DLGAP1: variants seen among roughly 807,000 people sequenced by gnomAD.
DLGAP1 encodes DLG associated protein 1.
In DLGAP1, 11 loss-of-function variants were observed where a neutral mutation model predicts 90.8. That is an observed-to-expected ratio of 0.12 (90% CI 0.08 to 0.20). The LOEUF is 0.20. Ranked by LOEUF, DLGAP1 falls within the 10% of genes least tolerant of loss-of-function variation. The pLI is 1.00. For missense variants in DLGAP1, 1,050 were observed against 1,333.8 expected, an observed-to-expected ratio of 0.79 and a Z score of 3.31; for synonymous variants, 558 against 540.7, an observed-to-expected ratio of 1.03 and a Z score of -0.44.
intron 7 of DLGAP1, among the ~76,000 whole-genome samples, chr18:3,640,049 C>G (rs888833952): frequency 1.3e-5 from 2 of 151,938 alleles, no homozygotes; most frequent in Non-Finnish European, 2.9e-5. Flanking sequence ...CCACGGCACC[C>G]GGCCCCAGAG....
At chr18:4,240,683 T>C (rs2078515788) in intron 1 of DLGAP1, among the ~76,000 whole-genome samples, 2 of 152,238 alleles carry the variant, frequency 1.3e-5, no homozygotes, top group African/African-American at 4.8e-5. Context: ...GCCTTTTGGA[T>C]AATTCCAGTT....
At chr18:4,012,892 AG>A (rs1015989121) in intron 2 of DLGAP1, among the ~76,000 whole-genome samples, 2 of 152,080 alleles carry the variant, frequency 1.3e-5, no homozygotes, top group East Asian at 3.9e-4. Flanking sequence ...TTATAGAGAC[AG>A]GGGGTCTCAT....
At chr18:3,971,636 CT>C (rs1208262286) in intron 3 of DLGAP1, among the ~76,000 whole-genome samples, 1 of 152,164 alleles carries the variant, frequency 6.6e-6, no homozygotes, top group African/African-American at 2.4e-5. Flanking sequence ...ACTTTTAAGA[CT>C]CTTTTGTCCA....
intron 9 of DLGAP1, among the ~76,000 whole-genome samples, chr18:3,544,895 C>T (rs750287860): frequency 8.6e-5 from 13 of 151,884 alleles, no homozygotes; most frequent in Non-Finnish European, 1.9e-4. Context: ...GCAGTGTATA[C>T]AGTTCAATAA....
intron 2 of DLGAP1, among the ~76,000 whole-genome samples, chr18:4,056,578 T>G (rs2075220329): frequency 1.3e-5 from 2 of 152,154 alleles, no homozygotes; most frequent in Non-Finnish European, 2.9e-5. Flanking sequence ...TAACAAGTGG[T>G]GAACTAATAA....
rs7235642 is a variant in DLGAP1 at position 4,454,027 on chromosome 18, C to G, written c.-267+979G>C. The stretch of plus-strand genomic sequence containing the variant: ...TGCAGCCGGGGGCGAGCGCGGCACT[C>G]GGACACAGGCACTCAGTGTCTCCGG... On this transcript the variant is annotated intron_variant, in intron 1 of 12. Coordinates refer to ENST00000315677, the MANE Select transcript of DLGAP1 (RefSeq NM_004746.4). The surrounding 1 kb of genome is among the most constrained non-coding windows in gnomAD (Gnocchi z 4.7). Among the ~76,000 whole-genome samples the G allele has an allele frequency of 0.072, 10,944 of 152,280 alleles. 831 individuals carry two copies. Among genetic ancestry groups the G allele is most frequent in the African/African-American group, 0.2 (8,124 of 41,538 alleles).
At chr18:3,811,481 T>C (rs1298515864) in intron 5 of DLGAP1, among the ~76,000 whole-genome samples, 1 of 152,152 alleles carries the variant, frequency 6.6e-6, no homozygotes, top group African/African-American at 2.4e-5. Flanking sequence ...AGAAATGGTG[T>C]GGGGAAACTC....
chr18:3,747,102 A>G (rs559572287), intron 5 of DLGAP1, among the ~76,000 whole-genome samples: 3 of 152,332 alleles, frequency 2.0e-5, no homozygotes, highest in African/African-American at 7.2e-5. Flanking sequence ...TCACACCTGT[A>G]ATCCTAGCAC....
rs539045517 is a variant in DLGAP1, at chr18:4,380,760, T to A, written c.-267+74246A>T. On this transcript the variant is annotated intron_variant, in intron 1 of 12. Transcript: ENST00000315677. ...CTTGTATACTAATTAACGAAACTCA[T>A]CTCCTTCACTCAGACACAGCATTGA... Among the ~76,000 whole-genome samples the A allele has an allele frequency of 6.6e-5, 10 of 152,282 alleles. No homozygotes were observed. The South Asian group carries it at 1.9e-3, about 28-fold the overall frequency.
At chr18:4,402,742 A>G (rs1328511423) in intron 1 of DLGAP1, among the ~76,000 whole-genome samples, 1 of 152,204 alleles carries the variant, frequency 6.6e-6, no homozygotes, top group African/African-American at 2.4e-5. Context: ...AGTCAAAAGG[A>G]CCATTAGAGT....
chr18:3,772,174 T>G (rs1007158786), intron 5 of DLGAP1, among the ~76,000 whole-genome samples: 5 of 149,018 alleles, frequency 3.4e-5, no homozygotes. Flanking sequence ...CTCTCCTTCC[T>G]TTCTCTCCTT....
chr18:3,771,859 G>A (rs1382747466), intron 5 of DLGAP1, among the ~76,000 whole-genome samples: 4 of 151,204 alleles, frequency 2.6e-5, no homozygotes, highest in African/African-American at 9.7e-5. Context: ...AAAAATCCAT[G>A]TGGCCACTGC....
At chr18:3,956,607 C>A (rs1026727708) in intron 3 of DLGAP1, among the ~76,000 whole-genome samples, 1 of 152,010 alleles carries the variant, frequency 6.6e-6, no homozygotes, top group Non-Finnish European at 1.5e-5. Context: ...CTTGGCCTCC[C>A]AAAGTGCTGG....
At chr18:3,830,713 T>C (rs1317053578) in intron 4 of DLGAP1, among the ~76,000 whole-genome samples, 5 of 152,208 alleles carry the variant, frequency 3.3e-5, no homozygotes, top group Admixed American at 1.3e-4. Flanking sequence ...CTGTAGCAAC[T>C]TGCACATACT....
rs557293092 is a variant in DLGAP1 at position 4,247,622 on chromosome 18, A to G, written c.-266-96335T>C. 3.9e-5 allele frequency among the ~76,000 whole-genome samples: 6 copies of G among 152,112 alleles called. 1 individual carries two copies. The South Asian group carries it at 1.2e-3, about 32-fold the overall frequency. On this transcript the variant is annotated intron_variant, in intron 1 of 12. Coordinates refer to ENST00000315677, the MANE Select transcript of DLGAP1 (RefSeq NM_004746.4). ...AAAACCCCGTCTCTACTAAAAATAC[A>G]AAAAATTAGCCAGGCGTGGTGGCAG...
intron 1 of DLGAP1, among the ~76,000 whole-genome samples, chr18:4,422,206 T>A (rs2083053826): frequency 6.6e-6 from 1 of 151,578 alleles, no homozygotes. Flanking sequence ...AACAAGTGTA[T>A]ATATAAAAAT....
chr18:3,975,910 T>C (rs951031563), intron 3 of DLGAP1, among the ~76,000 whole-genome samples: 1 of 152,066 alleles, frequency 6.6e-6, no homozygotes, highest in East Asian at 1.9e-4. Context: ...GTGGTTACCA[T>C]GGCCTGGGGG....
rs187567016 is a variant in DLGAP1, at chr18:3,652,528, G to A, written c.1592-70280C>T. On this transcript the variant is annotated intron_variant, in intron 7 of 12. Coordinates refer to ENST00000315677, the MANE Select transcript of DLGAP1 (RefSeq NM_004746.4). ...AAATATTTTTTGTAGAGATGAGGGG[G>A]ACTCGCTCTGTGGCTCACGGCCGTC... 2.1e-3 allele frequency among the ~76,000 whole-genome samples: 317 copies of A among 152,200 alleles called. 3 individuals are homozygous for A. The highest frequency in any genetic ancestry group is 3.8e-3 in the Non-Finnish European group (257 of 67,994).
intron 1 of DLGAP1, among the ~76,000 whole-genome samples, chr18:4,197,387 A>C (rs1427710938): frequency 6.6e-6 from 1 of 152,044 alleles, no homozygotes; most frequent in African/African-American, 2.4e-5. Context: ...TAAATTTAGC[A>C]AAAATTGGTT....
Sources: gnomAD v4.1 joint callset for allele counts (sites outside exome capture counted in the v4.1 genomes callset) on GRCh38, gnomAD v4.1.1 for gene constraint, Gnocchi (gnomAD v3.1) non-coding constraint, MANE v1.5 for transcripts, NCBI Gene and HGNC (gene_info 2026-07-23, HGNC 2026-07-21) for gene names.